ZNF285: variants seen among roughly 807,000 people sequenced by gnomAD.
ZNF285 encodes the protein zinc finger protein 285A.
In ZNF285, 4 loss-of-function variants were observed where a neutral mutation model predicts 6.2. The ratio of observed to expected loss-of-function variants is 0.65; its 90% confidence interval spans 0.32 to 1.49. ZNF285 has a LOEUF of 1.49. ZNF285 is among the 40% of genes most tolerant of loss of function. The probability of loss-of-function intolerance (pLI) is 0.07; values close to 1 mark genes in which losing one functional copy is unlikely to be tolerated. For missense variants in ZNF285, 695 were observed against 708.8 expected, an observed-to-expected ratio of 0.98 and a Z score of 0.22; for synonymous variants, 240 against 245.8, an observed-to-expected ratio of 0.98 and a Z score of 0.22.
In ZNF285 at chr19:44,387,652, C is replaced by A; in HGVS notation, c.593G>T (p.Cys198Phe). 2 of 1,613,884 alleles carry A rather than the reference C, an allele frequency of 1.2e-6. No individual in the cohort carries two copies. The highest frequency in any genetic ancestry group is 1.7e-6 in the Non-Finnish European group (2 of 1,179,842). Reference protein sequence around the residue: ...TSCDHHESQECKGEDPGRHPS... With the variant: ...TSCDHHESQEFKGEDPGRHPS... ...ATGTCTACCAGGGTCCTCTCCTTTA[C>A]ATTCTTGGGACTCATGATGATCACA... Residue 198 changes from cysteine to phenylalanine, a missense_variant, in exon 4 of 4, where the codon TGT becomes TTT. Transcript: ENST00000614994.
At chr19:44,394,528 G>A (rs1971249107) in intron 2 of ZNF285, 3 of 565,122 alleles carry the variant, frequency 5.3e-6, no homozygotes, top group Non-Finnish European at 9.4e-6. Context: ...ACCTGCACAT[G>A]TATCCCTTGA....
Position 44,388,109 on chromosome 19 carries a change from G to A in ZNF285, c.143-7C>T, listed in dbSNP as rs1439504356. On this transcript the variant is annotated splice_region_variant and splice_polypyrimidine_tract_variant and intron_variant, in intron 3 of 3. Coordinates refer to ENST00000614994, the MANE Select transcript of ZNF285 (RefSeq NM_152354.6). The stretch of plus-strand genomic sequence containing the variant: ...TTGTTTTTAATCCCGTCTCCTAGGA[G>A]AAGAAAGAGAATTTGGCTAAGAGAA... 1 of 1,605,464 alleles carries A rather than the reference G, an allele frequency of 6.2e-7. No individual in the cohort carries two copies. Among genetic ancestry groups the A allele is most frequent in the South Asian group, 1.1e-5 (1 of 89,962 alleles).
At chr19:44,391,157 A>T (rs112789937) in intron 3 of ZNF285, among the ~76,000 whole-genome samples, 6,749 of 145,760 alleles carry the variant, frequency 0.046, 180 homozygotes, top group South Asian at 0.095. Flanking sequence ...CATCTCAAAA[A>T]AAAAAAAAAA....
chr19:44,400,756 T>G (rs143241206), intron 1 of ZNF285, among the ~76,000 whole-genome samples: 3 of 152,148 alleles, frequency 2.0e-5, no homozygotes, highest in African/African-American at 4.8e-5. Context: ...TTGTAATTGT[T>G]TTTTGTAGTA....
intron 2 of ZNF285, among the ~76,000 whole-genome samples, chr19:44,392,839 T>G (rs1310177617): frequency 6.6e-6 from 1 of 152,164 alleles, no homozygotes; most frequent in African/African-American, 2.4e-5. Flanking sequence ...TACTAAGGTG[T>G]TGTGCTGATA....
chr19:44,395,236 C>T (rs1344521913), intron 2 of ZNF285, among the ~76,000 whole-genome samples: 2 of 152,108 alleles, frequency 1.3e-5, no homozygotes, highest in Non-Finnish European at 2.9e-5. Context: ...CTTGTATAAC[C>T]ATCTATGAAG....
chr19:44,395,490 T>C (rs1158775821), intron 2 of ZNF285, among the ~76,000 whole-genome samples: 1 of 152,186 alleles, frequency 6.6e-6, no homozygotes, highest in Admixed American at 6.5e-5. Context: ...ATAGACCTTG[T>C]TAAGATCCCA....
At position 44,384,293 on chromosome 19, in the gene ZNF285, A is replaced by G. The variant is rs979791471; in HGVS notation, c.*2179T>C. The G allele has an allele frequency of 1.1e-4, 16 of 152,198 alleles. No homozygotes were observed. The highest frequency in any genetic ancestry group is 6.5e-4 in the Admixed American group (10 of 15,284). 9.4% of individuals were successfully genotyped at this position (152,198 alleles called of 1,614,324 possible). On this transcript the variant is annotated 3_prime_UTR_variant, in exon 4 of 4. Coordinates refer to ENST00000614994, the MANE Select transcript of ZNF285 (RefSeq NM_152354.6). ...TTAGAACATATTTCTTTCTGAAACC[A>G]TATTTTCCCCACTCATGTAATTACA...
chr19:44,392,175 T>C, intron 3 of ZNF285, 165 bp downstream of exon 3: 1 of 1,481,266 alleles, frequency 6.8e-7, no homozygotes, highest in South Asian at 1.4e-5. Context: ...GGGCCAGATC[T>C]GTAAAAGCTC....
chr19:44,394,553 T>C (rs891389091), intron 2 of ZNF285: 7 of 585,132 alleles, frequency 1.2e-5, no homozygotes, highest in African/African-American at 7.6e-5. Context: ...AAAATAAAAG[T>C]TGGAAAGAAG....
In ZNF285 at chr19:44,387,938, C is replaced by A; in HGVS notation, c.307G>T (p.Glu103Ter). The A allele has an allele frequency of 6.2e-7, 1 of 1,614,128 alleles. No homozygotes were observed. The highest frequency in any genetic ancestry group is 8.5e-7 in the Non-Finnish European group (1 of 1,180,008). Residue 103 changes from glutamate (E) to a stop codon, truncating the protein, a stop_gained, in exon 4 of 4, where the codon GAA becomes TAA. Transcript: ENST00000614994. LOFTEE classifies it low-confidence loss of function (END_TRUNC). ...CACTCTTCACTGAGGGAAACATCTT[C>A]TAAATGTGGGGAACACTCTTCTTGA... ...NLQEECSPHL[E>*]DVSLSEEWAG...
At position 44,396,926 on chromosome 19, in the gene ZNF285, C is replaced by G. The variant is rs1177828421; in HGVS notation, c.15+273G>C. On this transcript the variant is annotated intron_variant, in intron 2 of 3. Coordinates refer to ENST00000614994, the MANE Select transcript of ZNF285 (RefSeq NM_152354.6). ...TGAACTTACTCTTGATTCTTTTTCC[C>G]TCATCGGGCAGTGATAAGCAGTTCA... is the stretch of plus-strand genomic sequence containing the variant. 6 of 429,828 alleles carry G rather than the reference C, an allele frequency of 1.4e-5. No homozygotes were observed. The South Asian group carries it at 2.4e-4, about 17-fold the overall frequency. The allele number at this position is 429,828 out of a possible 1,614,324, so 26.6% of individuals were successfully genotyped here.
rs1030921130 is a variant in ZNF285, at chr19:44,399,794, A to G, written c.-44+1774T>C. Among the ~76,000 whole-genome samples, 4 of 151,770 alleles carry G rather than the reference A, an allele frequency of 2.6e-5. 1 individual carries two copies. The highest frequency in any genetic ancestry group is 5.9e-5 in the Non-Finnish European group (4 of 67,960). On this transcript the variant is annotated intron_variant, in intron 1 of 3. Coordinates refer to ENST00000614994, the MANE Select transcript of ZNF285 (RefSeq NM_152354.6). ...GCTTACAATGGTGTTGGCTCGGGGT[A>G]AGGAAATCACAATGGATAAGGCTCT...
At chr19:44,396,969 A>C (rs1971291645) in intron 2 of ZNF285, 2 of 586,166 alleles carry the variant, frequency 3.4e-6, no homozygotes, top group Admixed American at 6.0e-5. Flanking sequence ...GTACTGATAC[A>C]TGAACTACAC....
In ZNF285 at chr19:44,401,603, T is replaced by A. The variant is rs1472962478; in HGVS notation, c.-79A>T. On this transcript the variant is annotated 5_prime_UTR_variant, in exon 1 of 4. Transcript: ENST00000614994. ...CAAACAATGTCGCCCGCAGCGTGCG[T>A]CCAGTACCATGGCGCATGCGCAAGG... The A allele has an allele frequency of 1.3e-5, 2 of 152,320 alleles. No homozygotes were observed. The highest frequency in any genetic ancestry group is 3.4e-3 in the Middle Eastern group (1 of 296). The allele number at this position is 152,320 out of a possible 1,614,324, so 9.4% of individuals were successfully genotyped here.
chr19:44,398,920 T>G lies in ZNF285; in HGVS notation c.-43-1664A>C, dbSNP rs188783949. Among the ~76,000 whole-genome samples the G allele has an allele frequency of 1.6e-3, 247 of 152,264 alleles. 1 individual carries two copies. The highest frequency in any genetic ancestry group is 5.4e-3 in the African/African-American group (225 of 41,512). ...GGACTAGTTTTTAAATTATTATTAC[T>G]GTTACTTTCAGTCTGTCACAGACTG... On this transcript the variant is annotated intron_variant, in intron 1 of 3. Transcript: ENST00000614994.
At position 44,383,740 on chromosome 19, in the gene ZNF285, AT is replaced by A. The variant is rs1209559402; in HGVS notation, c.*2731del. 2.0e-5 allele frequency: 3 copies of A among 152,190 alleles called. No individual in the cohort carries two copies. Among genetic ancestry groups the A allele is most frequent in the African/African-American group, 7.2e-5 (3 of 41,432 alleles). 9.4% of individuals were successfully genotyped at this position (152,190 alleles called of 1,614,324 possible). A position where few individuals can be genotyped will look rare whatever the true frequency, so the allele number is the denominator to read the frequency against. On this transcript the variant is annotated 3_prime_UTR_variant, in exon 4 of 4. Transcript: ENST00000614994. The stretch of plus-strand genomic sequence containing the variant: ...GAGTCTGTTACGCTTTTATCAAATC[AT>A]TGGATTTGACATGCTCATATTTATT...
At chr19:44,398,519 A>G (rs1265312327) in intron 1 of ZNF285, among the ~76,000 whole-genome samples, 6 of 152,190 alleles carry the variant, frequency 3.9e-5, no homozygotes, top group Non-Finnish European at 7.3e-5. Context: ...CTGTCATCCC[A>G]TAAATCTTTC....
chr19:44,388,342 G>A (rs897454475), intron 3 of ZNF285, among the ~76,000 whole-genome samples: 3 of 151,956 alleles, frequency 2.0e-5, no homozygotes, highest in African/African-American at 7.3e-5. Flanking sequence ...CACTTTGAGA[G>A]GCTGAGGTGG....
Sources: gnomAD v4.1 joint callset for allele counts (sites outside exome capture counted in the v4.1 genomes callset) on GRCh38, gnomAD v4.1.1 for gene constraint, MANE v1.5 for transcripts, NCBI Gene and HGNC (gene_info 2026-07-23, HGNC 2026-07-21) for gene names.